The following PCDH9 variants were observed in gnomAD, a reference collection of about 807,000 sequenced individuals.
PCDH9 encodes the protein protocadherin 9.
In PCDH9, 24 loss-of-function variants were observed where a neutral mutation model predicts 70.6. The observed-to-expected ratio is 0.34, with a 90% confidence interval of 0.25 to 0.48. The LOEUF (loss-of-function observed/expected upper bound fraction) is 0.48, where lower values mean the gene tolerates loss of function less well. Ranked by LOEUF, PCDH9 falls within the 20% of genes least tolerant of loss-of-function variation. PCDH9 has a pLI of 0.99. For synonymous variants in PCDH9, 562 were observed against 558.5 expected (o/e 1.01, Z -0.09); for missense variants, 1,281 against 1,503.6 (o/e 0.85, Z 2.45).
At chr13:66,620,866 A>G (rs1254131948) in intron 4 of PCDH9, among the ~76,000 whole-genome samples, 1 of 152,106 alleles carries the variant, frequency 6.6e-6, no homozygotes, top group African/African-American at 2.4e-5. Flanking sequence ...ACTAAACTGG[A>G]AGTTGTTTAA....
intron 2 of PCDH9, among the ~76,000 whole-genome samples, chr13:67,109,967 C>G (rs986231561): frequency 7.9e-5 from 12 of 152,104 alleles, no homozygotes; most frequent in African/African-American, 2.9e-4. Context: ...GTATATAACA[C>G]TTATTTTGTG....
At chr13:66,797,045 G>C (rs964357389) in intron 3 of PCDH9, among the ~76,000 whole-genome samples, 2 of 152,114 alleles carry the variant, frequency 1.3e-5, no homozygotes, top group Non-Finnish European at 2.9e-5. Flanking sequence ...AGTAGAGCTA[G>C]TTCATAGGTT....
Position 66,550,027 on chromosome 13 carries a change from C to T in PCDH9, c.3340+81183G>A, listed in dbSNP as rs541452598. 3.3e-5 allele frequency among the ~76,000 whole-genome samples: 5 copies of T among 151,998 alleles called. No homozygotes were observed. In the East Asian group the frequency reaches 9.7e-4, roughly 29 times the overall value. ...CTAAAAACTCACCTTCTATATTTAG[C>T]CCAAGAGCAATCATAATTTTTAAAG... is the stretch of plus-strand genomic sequence containing the variant. On this transcript the variant is annotated intron_variant, in intron 4 of 4. Transcript: ENST00000377865.
chr13:67,196,181 T>C (rs1418514253), intron 2 of PCDH9, among the ~76,000 whole-genome samples: 1 of 152,112 alleles, frequency 6.6e-6, no homozygotes, highest in East Asian at 1.9e-4. Context: ...TAGAGCTGTT[T>C]TGAAGGTTAA....
chr13:66,443,345 G>A (rs1258912803), intron 4 of PCDH9, among the ~76,000 whole-genome samples: 1 of 151,982 alleles, frequency 6.6e-6, no homozygotes, highest in Non-Finnish European at 1.5e-5. Flanking sequence ...GGTCAAAAAG[G>A]GCATAGCATT....
chr13:66,684,884 G>A (rs1040504686), intron 3 of PCDH9, among the ~76,000 whole-genome samples: 1 of 152,164 alleles, frequency 6.6e-6, no homozygotes, highest in African/African-American at 2.4e-5. Flanking sequence ...ATGTGAGAAA[G>A]TTTGGAAGTT....
chr13:66,677,309 A>G (rs1434966972), intron 3 of PCDH9, among the ~76,000 whole-genome samples: 1 of 152,172 alleles, frequency 6.6e-6, no homozygotes, highest in African/African-American at 2.4e-5. Flanking sequence ...CAATGTTTTT[A>G]ATATTTTTTA....
At position 67,182,729 on chromosome 13, in the gene PCDH9, T is replaced by A. The variant is rs2088650657; in HGVS notation, c.3036+42676A>T. On this transcript the variant is annotated intron_variant, in intron 2 of 4. Transcript: ENST00000377865. ...TTAAGAAGCCATTGGGTGAAAGAAG[T>A]AGAATAGCGTTTACTAATTCTTCCT... 1.3e-5 allele frequency among the ~76,000 whole-genome samples: 2 copies of A among 152,216 alleles called. 1 individual carries two copies. The highest frequency in any genetic ancestry group is 4.1e-4 in the South Asian group (2 of 4,822).
At chr13:66,455,175 ATATT>A (rs1032421658) in intron 4 of PCDH9, among the ~76,000 whole-genome samples, 18 of 151,996 alleles carry the variant, frequency 1.2e-4, no homozygotes, top group Admixed American at 1.0e-3. Flanking sequence ...AACCTTTTTA[ATATT>A]TATTTATTTC....
chr13:67,181,704 T>A (rs527904530), intron 2 of PCDH9, among the ~76,000 whole-genome samples: 10 of 152,228 alleles, frequency 6.6e-5, no homozygotes, highest in Admixed American at 3.9e-4. Context: ...GACAGTGTAA[T>A]AGAGCTGTTT....
At chr13:66,499,993 A>T (rs1439475901) in intron 4 of PCDH9, among the ~76,000 whole-genome samples, 1 of 152,188 alleles carries the variant, frequency 6.6e-6, no homozygotes, top group African/African-American at 2.4e-5. Flanking sequence ...TGCTGGTGCC[A>T]TGCTTCTTGT....
At position 66,361,215 on chromosome 13, in the gene PCDH9, A is replaced by C. The variant is rs539372882; in HGVS notation, c.3341-56187T>G. Reference sequence around the variant, plus strand: ...GGAAGAGTTGTGCACTAATCTCATAATTATACCCCTTTACTCCTCCACTCA... The same window carrying C: ...GGAAGAGTTGTGCACTAATCTCATACTTATACCCCTTTACTCCTCCACTCA... On this transcript the variant is annotated intron_variant, in intron 4 of 4. Coordinates refer to ENST00000377865, the MANE Select transcript of PCDH9 (RefSeq NM_203487.3). Among the ~76,000 whole-genome samples, 251 of 152,252 alleles carry C rather than the reference A, an allele frequency of 1.6e-3. 1 individual carries two copies. Among genetic ancestry groups the C allele is most frequent in the Admixed American group, 3.1e-3 (47 of 15,268 alleles).
At chr13:66,380,699 A>G (rs531869343) in intron 4 of PCDH9, among the ~76,000 whole-genome samples, 133 of 151,768 alleles carry the variant, frequency 8.8e-4, no homozygotes, top group Non-Finnish European at 1.1e-3. Flanking sequence ...GCCCGCCACC[A>G]CGCCCGGCTA....
intron 4 of PCDH9, among the ~76,000 whole-genome samples, chr13:66,404,029 G>A (rs533557421): frequency 6.6e-6 from 1 of 152,244 alleles, no homozygotes; most frequent in African/African-American, 2.4e-5. Context: ...CACGGATAAT[G>A]CTTTTCTAAT....
chr13:67,155,220 G>C (rs1325649978), intron 2 of PCDH9, among the ~76,000 whole-genome samples: 1 of 152,152 alleles, frequency 6.6e-6, no homozygotes, highest in African/African-American at 2.4e-5. Flanking sequence ...ACGGCCAGCA[G>C]GCTCAAGTTA....
intron 4 of PCDH9, among the ~76,000 whole-genome samples, chr13:66,324,752 A>T (rs1355892725): frequency 6.6e-6 from 1 of 152,088 alleles, no homozygotes; most frequent in Non-Finnish European, 1.5e-5. Flanking sequence ...AATTAATTTT[A>T]TAAACACAGA....
chr13:66,727,708 C>T (rs2079023762), intron 3 of PCDH9, among the ~76,000 whole-genome samples: 2 of 152,096 alleles, frequency 1.3e-5, no homozygotes, highest in African/African-American at 4.8e-5. Flanking sequence ...ATTATCCTCT[C>T]TCTCATCTTA....
At chr13:66,997,424 G>C (rs1257277054) in intron 2 of PCDH9, among the ~76,000 whole-genome samples, 4 of 152,146 alleles carry the variant, frequency 2.6e-5, no homozygotes, top group Non-Finnish European at 5.9e-5. Flanking sequence ...ATTACCAGGA[G>C]GACAGCACCA....
At chr13:66,360,453 T>C (rs892138382) in intron 4 of PCDH9, among the ~76,000 whole-genome samples, 7 of 152,128 alleles carry the variant, frequency 4.6e-5, no homozygotes, top group African/African-American at 1.4e-4. Context: ...CTAAAACAAC[T>C]TGACTTTTAA....
Sources: allele counts gnomAD v4.1 joint callset (sites outside exome capture counted in the v4.1 genomes callset), GRCh38; gene constraint gnomAD v4.1.1; transcripts MANE v1.5; gene names NCBI Gene and HGNC (gene_info 2026-07-23, HGNC 2026-07-21).